Variants in RNF6 observed in about 807,000 individuals in gnomAD.
RNF6 encodes E3 ubiquitin-protein ligase RNF6.
Under a neutral mutation model 50.1 loss-of-function variants are expected in RNF6, and 21 were observed. The ratio of observed to expected loss-of-function variants is 0.42; its 90% CI spans 0.30 to 0.60. The LOEUF (loss-of-function observed/expected upper bound fraction) is 0.60, where lower values mean the gene tolerates loss of function less well. Ranked by LOEUF, RNF6 falls within the 20% of genes least tolerant of loss-of-function variation. RNF6 has a pLI of 0.20. For synonymous variants in RNF6, 255 were observed against 291.8 expected, an observed-to-expected ratio of 0.87 and a Z score of 1.29; for missense variants, 698 against 838.2, an observed-to-expected ratio of 0.83 and a Z score of 2.07.
At position 26,219,505 on chromosome 13, in the gene RNF6, CATT is replaced by C. The variant is rs1870249637; in HGVS notation, c.142_144del (p.Asn48del). 3.7e-6 allele frequency: 6 copies of C among 1,613,928 alleles called. No homozygotes were observed. The highest frequency in any genetic ancestry group is 5.1e-6 in the Non-Finnish European group (6 of 1,179,894). The stretch of plus-strand genomic sequence containing the variant: ...TCTCTCATAAGCCGATAATCTTCAT[CATT>C]GAGTTCATTAATAAACTGATAATAG... On this transcript the variant is annotated inframe_deletion, in exon 3 of 5. Coordinates refer to ENST00000381588, the MANE Select transcript of RNF6 (RefSeq NM_005977.4).
intron 5 of RNF6, among the ~76,000 whole-genome samples, chr13:26,186,029 A>G (rs1873503238): frequency 6.6e-6 from 1 of 152,206 alleles, no homozygotes; most frequent in African/African-American, 2.4e-5. Context: ...AAACATAGAT[A>G]TGAAACAAAC....
At chr13:26,186,686 G>A (rs1486941730) in intron 5 of RNF6, among the ~76,000 whole-genome samples, 2 of 152,214 alleles carry the variant, frequency 1.3e-5, no homozygotes, top group Non-Finnish European at 2.9e-5. Flanking sequence ...CAGGTAGCGC[G>A]TTCCTTCGCT....
At chr13:26,160,538 CTTCTTCTTTTTTTT>C (rs1872154995) in intron 5 of RNF6, among the ~76,000 whole-genome samples, 1 of 52,762 alleles carries the variant, frequency 1.9e-5, no homozygotes, top group African/African-American at 5.4e-5. Flanking sequence ...TTCTTCTCTT[CTTCTTCTTTTTTTT>C]TTTTTTTTTT....
chr13:26,167,137 G>A (rs533873935), intron 5 of RNF6, among the ~76,000 whole-genome samples: 10 of 152,322 alleles, frequency 6.6e-5, no homozygotes, highest in Non-Finnish European at 1.2e-4. Flanking sequence ...TCTGGACATA[G>A]GAACTGGCAA....
downstream of RNF6, among the ~76,000 whole-genome samples, chr13:26,212,294 C>G (rs1167801729): frequency 6.6e-6 from 1 of 152,132 alleles, no homozygotes; most frequent in Non-Finnish European, 1.5e-5. Context: ...TGAAATCAAC[C>G]TTCCCAGTCT....
Position 26,219,677 on chromosome 13 carries a change from C to T in RNF6, c.-18-10G>A, listed in dbSNP as rs1201420562. On this transcript the variant is annotated splice_polypyrimidine_tract_variant and intron_variant, in intron 2 of 4. Coordinates refer to ENST00000381588, the MANE Select transcript of RNF6 (RefSeq NM_005977.4). ...TGAGATTCCTGGCTTTCTGTTCAAA[C>T]AATATAAACAACATTCAAGGTGTTA... 1.1e-4 allele frequency: 169 copies of T among 1,605,454 alleles called. No homozygotes were observed. The highest frequency in any genetic ancestry group is 1.4e-4 in the Non-Finnish European group (165 of 1,176,020).
At chr13:26,158,736 T>G (rs1394276375) in intron 5 of RNF6, among the ~76,000 whole-genome samples, 2 of 152,202 alleles carry the variant, frequency 1.3e-5, no homozygotes, top group Non-Finnish European at 2.9e-5. Flanking sequence ...TGTGTGTGTG[T>G]GTATTGAATT....
intron 5 of RNF6, among the ~76,000 whole-genome samples, chr13:26,140,775 T>G (rs1870897563): frequency 2.6e-5 from 4 of 152,168 alleles, no homozygotes; most frequent in Admixed American, 2.0e-4. Flanking sequence ...TGAACGAATT[T>G]GATAAAGTTT....
intron 5 of RNF6, among the ~76,000 whole-genome samples, chr13:26,196,552 G>C (rs917580774): frequency 2.0e-5 from 3 of 149,908 alleles, no homozygotes; most frequent in African/African-American, 5.1e-5. Context: ...AGAATTGCTT[G>C]AACCTGGGAG....
intron 5 of RNF6, among the ~76,000 whole-genome samples, chr13:26,178,650 A>G (rs576128406): frequency 2.2e-4 from 32 of 144,094 alleles, no homozygotes; most frequent in African/African-American, 7.9e-4. Context: ...GTGGTGAGAA[A>G]GCTTAAGATC....
chr13:26,139,044 T>C (rs1247234671), intron 5 of RNF6, among the ~76,000 whole-genome samples: 3 of 152,204 alleles, frequency 2.0e-5, no homozygotes, highest in Admixed American at 6.5e-5. Context: ...GTATCTTATA[T>C]GTTTCGACAT....
intron 4 of RNF6, among the ~76,000 whole-genome samples, chr13:26,216,444 A>C (rs1869882601): frequency 6.6e-6 from 1 of 152,204 alleles, no homozygotes; most frequent in Non-Finnish European, 1.5e-5. Context: ...CCTCTACAGC[A>C]GTATCTAGTA....
At chr13:26,209,775 A>T (rs988345618), downstream of RNF6, among the ~76,000 whole-genome samples, 33 of 147,448 alleles carry the variant, frequency 2.2e-4, no homozygotes, top group African/African-American at 8.0e-4. Context: ...TAAATGTGTG[A>T]GAAGATGTGA....
rs534391362 is a variant in RNF6, at chr13:26,164,414, A to G, written n.769-31963T>C. Among the ~76,000 whole-genome samples, 5 of 152,242 alleles carry G rather than the reference A, an allele frequency of 3.3e-5. No homozygotes were observed. The East Asian group carries it at 5.8e-4, about 18-fold the overall frequency. The stretch of plus-strand genomic sequence containing the variant: ...TTTTCTCATATCTACTTTATAGTAT[A>G]TTAAGTCTGCCTTTGATCATGTGTC... On this transcript the variant is annotated intron_variant and non_coding_transcript_variant, in intron 5 of 5. Coordinates refer to the RNF6 transcript ENST00000468480.
At chr13:26,221,016 C>A (rs1258345784) in intron 2 of RNF6, among the ~76,000 whole-genome samples, 4 of 152,056 alleles carry the variant, frequency 2.6e-5, no homozygotes, top group Non-Finnish European at 4.4e-5. Flanking sequence ...ATTATCCACT[C>A]AAATATGAAT....
Position 26,184,342 on chromosome 13 carries a change from T to C in RNF6, n.768+31132A>G, listed in dbSNP as rs80241917. On this transcript the variant is annotated intron_variant and non_coding_transcript_variant, in intron 5 of 5. Transcript: ENST00000468480. ...CACCGCGCCCGGCCGCCTCAAATTA[T>C]ATTCTAATCAGTCTCCCTCAGTTTA... Among the ~76,000 whole-genome samples, 59 of 152,252 alleles carry C rather than the reference T, an allele frequency of 3.9e-4. No individual in the cohort carries two copies. The East Asian group carries it at 0.011, about 28-fold the overall frequency.
At chr13:26,144,144 G>A (rs1211671746) in intron 5 of RNF6, among the ~76,000 whole-genome samples, 4 of 152,028 alleles carry the variant, frequency 2.6e-5, no homozygotes. Flanking sequence ...GACGGCCAAT[G>A]TTCCACTCTC....
chr13:26,178,566 TG>T (rs1593169613), intron 5 of RNF6, among the ~76,000 whole-genome samples: 1 of 141,150 alleles, frequency 7.1e-6, no homozygotes, highest in East Asian at 2.3e-4. Context: ...TCTTCCCCCT[TG>T]GCGGACCAGG....
At chr13:26,161,682 T>G (rs1468044379) in intron 5 of RNF6, among the ~76,000 whole-genome samples, 1 of 152,246 alleles carries the variant, frequency 6.6e-6, no homozygotes, top group East Asian at 1.9e-4. Flanking sequence ...CTGAATTATC[T>G]TATTGGTTCT....
Sources: gnomAD v4.1 joint callset for allele counts (sites outside exome capture counted in the v4.1 genomes callset) on GRCh38, gnomAD v4.1.1 for gene constraint, MANE v1.5 for transcripts, NCBI Gene and HGNC (gene_info 2026-07-23, HGNC 2026-07-21) for gene names.